MTMR6: variants seen among roughly 807,000 people sequenced by gnomAD.
MTMR6 encodes the protein myotubularin related protein 6.
Under a neutral mutation model 80.1 loss-of-function variants are expected in MTMR6, and 47 were observed. The ratio of observed to expected loss-of-function variants is 0.59; its 90% CI spans 0.46 to 0.75. MTMR6 has a LOEUF of 0.75. Among genes scored for constraint, MTMR6 ranks in the 30% least tolerant of loss-of-function variants. MTMR6 has a pLI of 0.00. For missense variants in MTMR6, 629 were observed against 730.9 expected, an observed-to-expected ratio of 0.86 and a Z score of 1.61; for synonymous variants, 254 against 253.0, an observed-to-expected ratio of 1.00 and a Z score of -0.04.
At position 25,247,791 on chromosome 13, in the gene MTMR6, T is replaced by C. The variant is rs1039555838; in HGVS notation, c.*1441A>G. 2 of 152,190 alleles carry C rather than the reference T, an allele frequency of 1.3e-5. No homozygotes were observed. The highest frequency in any genetic ancestry group is 2.9e-5 in the Non-Finnish European group (2 of 68,000). The allele number at this position is 152,190 out of a possible 1,614,324, so 9.4% of individuals were successfully genotyped here. ...AAAGTTTTTTTTGGTCTGAAAAAGA[T>C]GTTTATATTCAAAACTAATATAATA... On this transcript the variant is annotated 3_prime_UTR_variant, in exon 14 of 14. Coordinates refer to ENST00000381801, the MANE Select transcript of MTMR6 (RefSeq NM_004685.5).
At position 25,253,816 on chromosome 13, in the gene MTMR6, A is replaced by T. The variant is rs1230631567; in HGVS notation, c.1294T>A (p.Cys432Ser). 6.2e-7 allele frequency: 1 copy of T among 1,614,154 alleles called. No homozygotes were observed. Among genetic ancestry groups the T allele is most frequent in the South Asian group, 1.1e-5 (1 of 91,086 alleles). The change falls in exon 11 of 14, where the codon TGC becomes AGC. Residue 432 changes from cysteine to serine, a missense_variant. Coordinates refer to ENST00000381801, the MANE Select transcript of MTMR6 (RefSeq NM_004685.5). ...LLQIHEHIHS[C>S]QFGNFLGNCQ... is the part of the protein sequence containing the mutation. ...TTTCCAAGGAAGTTTCCAAACTGGC[A>T]TGAATGAATATGCTCATGGATCTGA...
In MTMR6 at chr13:25,249,425, T is replaced by C. The variant is rs1223333509; in HGVS notation, c.1673A>G (p.His558Arg). The C allele has an allele frequency of 6.2e-7, 1 of 1,613,874 alleles. No homozygotes were observed. Among genetic ancestry groups the C allele is most frequent in the Admixed American group, 1.7e-5 (1 of 60,020 alleles). ...AGTTTTGAGGTTAGGTGATTCAGGA[T>C]GAACTGAATGTAACAATTCCTTGGT... The part of the protein sequence containing the change: ...ILTKELLHSV[H>R]PESPNLKTSL... Residue 558 changes from histidine to arginine, a missense_variant, in exon 14 of 14, where the codon CAT (histidine) becomes CGT (arginine). By Grantham distance (29) the His-to-Arg change is conservative. Coordinates refer to ENST00000381801, the MANE Select transcript of MTMR6 (RefSeq NM_004685.5).
At position 25,280,843 on chromosome 13, in the gene MTMR6, G is replaced by A. The variant is rs956591875; in HGVS notation, c.24+6381C>T. Among the ~76,000 whole-genome samples, 6 of 152,202 alleles carry A rather than the reference G, an allele frequency of 3.9e-5. No individual in the cohort carries two copies. In the South Asian group the frequency reaches 6.2e-4, roughly 16 times the overall value. On this transcript the variant is annotated intron_variant, in intron 1 of 13. Coordinates refer to ENST00000381801, the MANE Select transcript of MTMR6 (RefSeq NM_004685.5). ...AAGGAGAAAGGAATTGGAAGATGTC[G>A]CTTTGGTGAGGAATGGTAAATGCCA...
chr13:25,252,948 G>A (rs1459616168), intron 11 of MTMR6, among the ~76,000 whole-genome samples: 1 of 152,098 alleles, frequency 6.6e-6, no homozygotes, highest in African/African-American at 2.4e-5. Flanking sequence ...AATACTACCA[G>A]ATTTAGCTTC....
At position 25,246,528 on chromosome 13, in the gene MTMR6, G is replaced by C. The variant is rs539844295; in HGVS notation, c.*2704C>G. The stretch of plus-strand genomic sequence containing the variant: ...GCGTCACTAATAAAAGTCTGCAACT[G>C]TAGTATTAGGTTGGTGCAAAAGTAA... On this transcript the variant is annotated 3_prime_UTR_variant, in exon 14 of 14. Coordinates refer to ENST00000381801, the MANE Select transcript of MTMR6 (RefSeq NM_004685.5). The C allele has an allele frequency of 7.2e-5, 11 of 152,706 alleles. No homozygotes were observed. Among genetic ancestry groups the C allele is most frequent in the African/African-American group, 2.4e-4 (10 of 41,566 alleles). The allele number at this position is 152,706 out of a possible 1,614,324, so 9.5% of individuals were successfully genotyped here.
At chr13:25,273,525 A>ATTT (rs61701580) in intron 2 of MTMR6, among the ~76,000 whole-genome samples, 40 of 137,604 alleles carry the variant, frequency 2.9e-4, no homozygotes, top group East Asian at 1.7e-3. Context: ...GAACAATAGG[A>ATTT]TTTTTTTTTT....
chr13:25,253,995 A>T, intron 10 of MTMR6, 31 bp from the exon 11 acceptor site: 1 of 1,602,136 alleles, frequency 6.2e-7, no homozygotes, highest in African/African-American at 1.3e-5. Flanking sequence ...AGCTTTTAAA[A>T]ACACCTCTGA....
Position 25,267,801 on chromosome 13 carries a change from A to G in MTMR6, c.282T>C (p.Ser94=), listed in dbSNP as rs753607960. ...RERDCHDIYN[S]LLQLSKQAKY... ...TACCTTGTTTTGACAGTTGTAGCAA[A>G]GAGTTGTAAATATCATGGCAATCTC... The change falls in exon 3 of 14, where the codon TCT becomes TCC. Residue 94 remains serine, a synonymous_variant. Coordinates refer to ENST00000381801, the MANE Select transcript of MTMR6 (RefSeq NM_004685.5). 6.2e-7 allele frequency: 1 copy of G among 1,613,616 alleles called. No homozygotes were observed. The highest frequency in any genetic ancestry group is 1.1e-5 in the South Asian group (1 of 90,876).
chr13:25,256,031 T>G (rs1049189592), intron 9 of MTMR6, among the ~76,000 whole-genome samples: 1 of 152,196 alleles, frequency 6.6e-6, no homozygotes, highest in Non-Finnish European at 1.5e-5. Flanking sequence ...AGTTACTGTT[T>G]GCTTGTTTAA....
intron 11 of MTMR6, among the ~76,000 whole-genome samples, chr13:25,252,812 CTT>C (rs1957119343): frequency 6.6e-6 from 1 of 152,150 alleles, no homozygotes. Flanking sequence ...CCTCAATGTT[CTT>C]TGATTGTTCA....
rs750417253 is a variant in MTMR6 at position 25,266,290 on chromosome 13, C to G, written c.305-4G>C. ...GCATAGAGATCTTCATATTTTGCTA[C>G]AGAATACAAAATTTTAAATGTTAAG... is the stretch of plus-strand genomic sequence containing the variant. On this transcript the variant is annotated splice_region_variant and splice_polypyrimidine_tract_variant and intron_variant, in intron 3 of 13. Transcript: ENST00000381801. The G allele has an allele frequency of 6.2e-7, 1 of 1,603,686 alleles. No homozygotes were observed. The highest frequency in any genetic ancestry group is 1.3e-5 in the African/African-American group (1 of 74,540).
At position 25,274,961 on chromosome 13, in the gene MTMR6, T is replaced by G. The variant is rs4996909; in HGVS notation, c.25-774A>C. On this transcript the variant is annotated intron_variant, in intron 1 of 13. Coordinates refer to ENST00000381801, the MANE Select transcript of MTMR6 (RefSeq NM_004685.5). The stretch of plus-strand genomic sequence containing the variant: ...ACAGACACACACACACACACACACA[T>G]ACACACACACACACACACACACACA... Among the ~76,000 whole-genome samples the G allele has an allele frequency of 3.8e-3, 397 of 105,048 alleles. 5 individuals carry two copies. Among genetic ancestry groups the G allele is most frequent in the African/African-American group, 0.013 (377 of 28,712 alleles). The allele number at this position is 105,048 out of a possible 152,430, so 68.9% of individuals were successfully genotyped here. A position where few individuals can be genotyped will look rare whatever the true frequency, so the allele number is the denominator to read the frequency against.
chr13:25,246,631 A>G lies in MTMR6; in HGVS notation c.*2601T>C, dbSNP rs1031292367. 17 of 152,742 alleles carry G rather than the reference A, an allele frequency of 1.1e-4. No individual in the cohort carries two copies. Among genetic ancestry groups the G allele is most frequent in the African/African-American group, 4.1e-4 (17 of 41,462 alleles). 9.5% of individuals were successfully genotyped at this position (152,742 alleles called of 1,614,324 possible). A position where few individuals can be genotyped will look rare whatever the true frequency, so the allele number is the denominator to read the frequency against. On this transcript the variant is annotated 3_prime_UTR_variant, in exon 14 of 14. Coordinates refer to ENST00000381801, the MANE Select transcript of MTMR6 (RefSeq NM_004685.5). ...CAACTATATAGTTTTATAAATGATC[A>G]GCATTTAATCCAACTTAGCATGTCA...
chr13:25,249,085 G>A lies in MTMR6; in HGVS notation c.*147C>T. On this transcript the variant is annotated 3_prime_UTR_variant, in exon 14 of 14. Coordinates refer to ENST00000381801, the MANE Select transcript of MTMR6 (RefSeq NM_004685.5). ...TAAAATGACTTATTTCTCTCACAAG[G>A]GTAGTTATTATCCTTCCTTCAACTA... 1.4e-6 allele frequency: 1 copy of A among 729,662 alleles called. No individual in the cohort carries two copies. The highest frequency in any genetic ancestry group is 2.2e-6 in the Non-Finnish European group (1 of 458,950). 45.2% of individuals were successfully genotyped at this position (729,662 alleles called of 1,614,324 possible).
chr13:25,268,449 C>T (rs1328162144), intron 2 of MTMR6, among the ~76,000 whole-genome samples: 1 of 151,638 alleles, frequency 6.6e-6, no homozygotes, highest in Non-Finnish European at 1.5e-5. Flanking sequence ...TTTGGCTCCT[C>T]AAATGCACCG....
At chr13:25,263,467 G>A (rs1016879066) in intron 5 of MTMR6, among the ~76,000 whole-genome samples, 1 of 152,200 alleles carries the variant, frequency 6.6e-6, no homozygotes, top group African/African-American at 2.4e-5. Flanking sequence ...ATTAAGTAAA[G>A]TCTACATAAC....
intron 1 of MTMR6, 142 bp from the exon 2 acceptor site, chr13:25,274,329 C>A: frequency 3.6e-6 from 2 of 552,898 alleles, no homozygotes; most frequent in South Asian, 2.4e-5. Context: ...CTGTTAAATT[C>A]CATATATCTT....
intron 9 of MTMR6, 35 bp downstream of exon 9, chr13:25,257,161 T>C (rs1412640040): frequency 1.0e-5 from 16 of 1,591,478 alleles, no homozygotes; most frequent in African/African-American, 1.4e-5. Flanking sequence ...TTACTCCTAC[T>C]TAAGAACCAT....
intron 2 of MTMR6, among the ~76,000 whole-genome samples, chr13:25,269,818 AAC>A (rs569393776): frequency 8.5e-4 from 129 of 151,744 alleles, no homozygotes; most frequent in African/African-American, 2.9e-3. Flanking sequence ...ACAAATAATT[AAC>A]ACACACACAC....
Sources: gnomAD v4.1 joint callset for allele counts (sites outside exome capture counted in the v4.1 genomes callset) on GRCh38, gnomAD v4.1.1 for gene constraint, MANE v1.5 for transcripts, NCBI Gene and HGNC (gene_info 2026-07-23, HGNC 2026-07-21) for gene names.